Variants in ADAMTS17 observed in about 807,000 individuals in gnomAD.
The protein encoded by ADAMTS17 is ADAM metallopeptidase with thrombospondin type 1 motif 17, also known as A disintegrin and metalloproteinase with thrombospondin motifs 17.
ADAMTS17 carries 113 observed loss-of-function variants against 141.5 expected under a neutral mutation model. The ratio of observed to expected loss-of-function variants is 0.80; its 90% CI spans 0.69 to 0.93. The LOEUF (loss-of-function observed/expected upper bound fraction) is 0.93, where lower values mean the gene tolerates loss of function less well. Ranked by LOEUF, ADAMTS17 falls within the 40% of genes least tolerant of loss-of-function variation. ADAMTS17 has a pLI of 0.00. For synonymous variants in ADAMTS17, 768 were observed against 630.6 expected, an observed-to-expected ratio of 1.22 and a Z score of -3.27; for missense variants, 1,659 against 1,517.9, an observed-to-expected ratio of 1.09 and a Z score of -1.54.
intron 10 of ADAMTS17, among the ~76,000 whole-genome samples, chr15:100,138,439 A>G (rs2038449907): frequency 6.6e-6 from 1 of 152,242 alleles, no homozygotes; most frequent in Admixed American, 6.5e-5. Context: ...TAGCAGCAAG[A>G]TATTAACACT....
intron 12 of ADAMTS17, chr15:100,128,785 G>A (rs1026464678): frequency 6.6e-6 from 1 of 152,234 alleles, no homozygotes; most frequent in Non-Finnish European, 1.5e-5. Context: ...GAACTGGGTG[G>A]TGTTTAGGAT....
At chr15:100,341,571 G>A (rs1003469652) in intron 1 of ADAMTS17, among the ~76,000 whole-genome samples, 162 bp from the exon 2 acceptor site, 2 of 149,282 alleles carry the variant, frequency 1.3e-5, no homozygotes, top group African/African-American at 2.4e-5. Flanking sequence ...GCCACCCGGG[G>A]AGGGTCTCCG....
rs527526170 is a variant in ADAMTS17, at chr15:100,305,184, T to C, written c.617-23783A>G. Among the ~76,000 whole-genome samples, 12 of 151,530 alleles carry C rather than the reference T, an allele frequency of 7.9e-5. No homozygotes were observed. In the South Asian group the frequency reaches 2.3e-3, roughly 29 times the overall value. ...CCCTGCACATTGTTCAAAGGTCAAC[T>C]ATAGAAAAAAAAAACACCTTATAAA... On this transcript the variant is annotated intron_variant, in intron 3 of 21. Transcript: ENST00000268070.
chr15:100,224,980 A>G (rs1225058573), intron 7 of ADAMTS17, among the ~76,000 whole-genome samples: 2 of 152,242 alleles, frequency 1.3e-5, no homozygotes, highest in Non-Finnish European at 2.9e-5. Context: ...GAGCCCCTGG[A>G]TGTGTCATGG....
At position 100,231,620 on chromosome 15, in the gene ADAMTS17, C is replaced by T. The variant is rs537292030; in HGVS notation, c.1075+22516G>A. Among the ~76,000 whole-genome samples the T allele has an allele frequency of 5.4e-4, 82 of 152,272 alleles. 1 individual carries two copies. Among genetic ancestry groups the T allele is most frequent in the African/African-American group, 1.9e-3 (79 of 41,550 alleles). ...AGACTTGGGATAAAAAGGCCTTCTCCCAAGCTGATGTCACACAATGTGTAA... is the reference window on the plus strand; with the variant it reads ...AGACTTGGGATAAAAAGGCCTTCTCTCAAGCTGATGTCACACAATGTGTAA... On this transcript the variant is annotated intron_variant, in intron 7 of 21. Coordinates refer to ENST00000268070, the MANE Select transcript of ADAMTS17 (RefSeq NM_139057.4).
At chr15:99,978,813 G>C (rs2141276584) in intron 20 of ADAMTS17, 1 of 152,330 alleles carries the variant, frequency 6.6e-6, no homozygotes, top group East Asian at 1.9e-4. Context: ...CAATCCGATG[G>C]TGGAGGGGGT....
intron 18 of ADAMTS17, among the ~76,000 whole-genome samples, chr15:100,037,723 A>G (rs535082259): frequency 9.9e-5 from 15 of 152,128 alleles, no homozygotes; most frequent in African/African-American, 2.2e-4. Flanking sequence ...TGTTCTTCAT[A>G]TAAGTTCCTT....
At chr15:100,315,786 C>T (rs1056471274) in intron 3 of ADAMTS17, among the ~76,000 whole-genome samples, 1 of 152,212 alleles carries the variant, frequency 6.6e-6, no homozygotes, top group Admixed American at 6.5e-5. Flanking sequence ...GAATTTAACT[C>T]ATACTTACAT....
intron 8 of ADAMTS17, among the ~76,000 whole-genome samples, chr15:100,166,084 G>T (rs762303864): frequency 7.2e-5 from 11 of 152,238 alleles, no homozygotes; most frequent in Middle Eastern, 3.4e-3. Context: ...TCTTCATTTT[G>T]CCAGGCTTTT....
rs7497900 is a variant in ADAMTS17 at position 100,277,278 on chromosome 15, G to T, written c.789+3951C>A. Among the ~76,000 whole-genome samples the T allele has an allele frequency of 1.7e-4, 26 of 152,078 alleles. No homozygotes were observed. In the East Asian group the frequency reaches 4.7e-3, roughly 27 times the overall value. ...GTCTTAGTACAAGCAGCTGAAGAGGGGTGCAGGGTGTTTAATCAAAGGCAA... is the reference window on the plus strand; with the variant it reads ...GTCTTAGTACAAGCAGCTGAAGAGGTGTGCAGGGTGTTTAATCAAAGGCAA... On this transcript the variant is annotated intron_variant, in intron 4 of 21. Coordinates refer to ENST00000268070, the MANE Select transcript of ADAMTS17 (RefSeq NM_139057.4).
chr15:100,276,995 G>A (rs978726638), intron 4 of ADAMTS17, among the ~76,000 whole-genome samples: 6 of 152,082 alleles, frequency 3.9e-5, no homozygotes, highest in Non-Finnish European at 5.9e-5. Context: ...GGGCTAGAGC[G>A]GCAAGAAAGG....
At chr15:100,087,991 C>G (rs1355735163) in intron 15 of ADAMTS17, among the ~76,000 whole-genome samples, 4 of 152,136 alleles carry the variant, frequency 2.6e-5, no homozygotes, top group African/African-American at 9.7e-5. Context: ...CTGGCCAGGG[C>G]AGTCAGGCAG....
intron 3 of ADAMTS17, among the ~76,000 whole-genome samples, chr15:100,319,132 T>C (rs1358273932): frequency 6.6e-6 from 1 of 152,166 alleles, no homozygotes; most frequent in South Asian, 2.1e-4. Context: ...ATGCAGGGCA[T>C]AGGGGACTCC....
At position 100,262,440 on chromosome 15, in the gene ADAMTS17, C is replaced by G. The variant is rs1412961536; in HGVS notation, c.790-5G>C. On this transcript the variant is annotated splice_polypyrimidine_tract_variant and splice_region_variant and intron_variant, in intron 4 of 21. Coordinates refer to ENST00000268070, the MANE Select transcript of ADAMTS17 (RefSeq NM_139057.4). ...GTGCTGAAACATATTGTATACCTAT[C>G]AAGACAGAAAAAAGAAATAAAGATA... The G allele has an allele frequency of 3.7e-6, 6 of 1,608,616 alleles. No individual in the cohort carries two copies. The highest frequency in any genetic ancestry group is 5.1e-6 in the Non-Finnish European group (6 of 1,176,932).
intron 2 of ADAMTS17, among the ~76,000 whole-genome samples, chr15:100,336,786 A>G (rs1006763563): frequency 6.6e-6 from 1 of 152,214 alleles, no homozygotes; most frequent in African/African-American, 2.4e-5. Flanking sequence ...TTTTCTAAAG[A>G]AAGAAGTAGT....
At chr15:100,037,235 C>T (rs970709650) in intron 18 of ADAMTS17, among the ~76,000 whole-genome samples, 2 of 152,158 alleles carry the variant, frequency 1.3e-5, no homozygotes, top group African/African-American at 2.4e-5. Flanking sequence ...TCTGTCTTTT[C>T]GATCACAGCC....
intron 4 of ADAMTS17, among the ~76,000 whole-genome samples, chr15:100,278,974 G>A (rs1346956813): frequency 6.6e-6 from 1 of 152,084 alleles, no homozygotes; most frequent in Non-Finnish European, 1.5e-5. Flanking sequence ...AATCAGTCCT[G>A]GTCTCCTTTG....
chr15:100,087,518 A>T (rs535998988), intron 15 of ADAMTS17, among the ~76,000 whole-genome samples: 51 of 152,258 alleles, frequency 3.3e-4, no homozygotes, highest in Admixed American at 1.1e-3. Flanking sequence ...TACCAAAGCC[A>T]GGCAGAGACA....
chr15:100,042,653 C>T (rs890084873), intron 18 of ADAMTS17, among the ~76,000 whole-genome samples: 4 of 152,148 alleles, frequency 2.6e-5, no homozygotes, highest in East Asian at 1.9e-4. Context: ...GCAAGAACTA[C>T]GACACCCTAC....
Sources: allele counts gnomAD v4.1 joint callset (sites outside exome capture counted in the v4.1 genomes callset), GRCh38; gene constraint gnomAD v4.1.1; transcripts MANE v1.5; gene names NCBI Gene and HGNC (gene_info 2026-07-23, HGNC 2026-07-21).